The following TOPORS variants were observed in gnomAD, a reference collection of about 807,000 sequenced individuals.
TOPORS encodes TOP1 binding arginine/serine rich protein, E3 ubiquitin ligase.
In TOPORS, 25 loss-of-function variants were observed where a neutral mutation model predicts 81.4. The ratio of observed to expected loss-of-function variants is 0.31; its 90% CI spans 0.22 to 0.43. The LOEUF (loss-of-function observed/expected upper bound fraction) is 0.43. TOPORS is among the 20% of genes least tolerant of loss of function. The probability of loss-of-function intolerance (pLI) is 1.00; values close to 1 mark genes in which losing one functional copy is unlikely to be tolerated. For synonymous variants in TOPORS, 473 were observed against 456.6 expected (o/e 1.04, Z -0.46); for missense variants, 1,101 against 1,267.0 (o/e 0.87, Z 1.99).
At chr9:32,547,042 C>T (rs1587624312) in intron 2 of TOPORS, among the ~76,000 whole-genome samples, 2 of 26,010 alleles carry the variant, frequency 7.7e-5, no homozygotes, top group Admixed American at 5.4e-4. Flanking sequence ...TGTTTCAAAA[C>T]AAACAAACAA....
rs1563987142 is a variant in TOPORS at position 32,550,947 on chromosome 9, A to AC, written c.24dup (p.Ser9ValfsTer9). On this transcript the variant is annotated frameshift_variant, in exon 2 of 3. Coordinates refer to ENST00000360538, the MANE Select transcript of TOPORS (RefSeq NM_005802.5). LOFTEE classifies it high-confidence loss of function. The stretch of plus-strand genomic sequence containing the variant: ...TCACCCTCCTCGCGAGACAGCGGAG[A>AC]CCCCAGCGGCGGCTGCGACCCCTGT... The AC allele has an allele frequency of 1.2e-6, 2 of 1,611,934 alleles. No homozygotes were observed. The highest frequency in any genetic ancestry group is 8.5e-7 in the Non-Finnish European group (1 of 1,179,786).
At position 32,549,696 on chromosome 9, in the gene TOPORS, A is replaced by G. The variant is rs116580695; in HGVS notation, c.198+1078T>C. Among the ~76,000 whole-genome samples, 1,071 of 152,330 alleles carry G rather than the reference A, an allele frequency of 7.0e-3. 11 individuals are homozygous for G. The highest frequency in any genetic ancestry group is 0.024 in the African/African-American group (1,007 of 41,564). The stretch of plus-strand genomic sequence containing the variant: ...TTTATAACAACAAAATAATCATCAT[A>G]CTTAATATAATTATTATACTTAATA... On this transcript the variant is annotated intron_variant, in intron 2 of 2. Transcript: ENST00000360538.
In TOPORS at chr9:32,542,212, G is replaced by A. The variant is rs980498931; in HGVS notation, c.2313C>T (p.Ser771=). Residue 771 remains serine (S), a synonymous_variant, in exon 3 of 3, where the codon AGC becomes AGT. Coordinates refer to ENST00000360538, the MANE Select transcript of TOPORS (RefSeq NM_005802.5). ...CAGTCCTTGATCTGTTACTAGACAG[G>A]CTCCTTGATCTGTGCCTTTCATAGT... ...YYYYERHRSR[S]LSSNRSRTAS... is the part of the protein sequence containing the mutation. 2 of 1,614,020 alleles carry A rather than the reference G, an allele frequency of 1.2e-6. No individual in the cohort carries two copies. Among genetic ancestry groups the A allele is most frequent in the South Asian group, 1.1e-5 (1 of 91,080 alleles).
intron 2 of TOPORS, among the ~76,000 whole-genome samples, chr9:32,548,831 G>A (rs528600327): frequency 6.6e-6 from 1 of 152,030 alleles, no homozygotes; most frequent in Non-Finnish European, 1.5e-5. Flanking sequence ...GCTTTAACAA[G>A]GATAATAACA....
intron 1 of TOPORS, chr9:32,551,814 C>T (rs1821272562): frequency 2.2e-6 from 1 of 450,524 alleles, no homozygotes; most frequent in Admixed American, 2.4e-5. Context: ...GCGGGTAACG[C>T]GTCCCACGTA....
intron 1 of TOPORS, 119 bp from the exon 2 acceptor site, chr9:32,551,087 G>A: frequency 8.1e-7 from 1 of 1,241,874 alleles, no homozygotes; most frequent in East Asian, 2.5e-5. Context: ...ATGCGCAGCA[G>A]ATGGACGCCG....
Position 32,543,368 on chromosome 9 carries a change from T to C in TOPORS, c.1157A>G (p.His386Arg), listed in dbSNP as rs765214507. ...TATTGTTATGACTGAAGAATCAGAA[T>C]GGCTGCCTTCTTCGTATGAAGGAGC... ...CPAPSYEEGS[H>R]SDSSVITISP... Residue 386 changes from histidine (H) to arginine (R), a missense_variant, in exon 3 of 3, where the codon CAT (histidine) becomes CGT (arginine). Physicochemically the swap from His to Arg is conservative, Grantham distance 29. Around this residue, in one of 9 missense-constraint regions of TOPORS, gnomAD observed 103 missense variants for 112.1 expected, o/e 0.92. Transcript: ENST00000360538. The surrounding 1 kb of genome is among the most constrained non-coding windows in gnomAD (Gnocchi z 5.6). The C allele has an allele frequency of 6.2e-7, 1 of 1,614,098 alleles. No individual in the cohort carries two copies. Among genetic ancestry groups the C allele is most frequent in the Non-Finnish European group, 8.5e-7 (1 of 1,179,970 alleles).
At chr9:32,549,251 G>C (rs1821185414) in intron 2 of TOPORS, among the ~76,000 whole-genome samples, 1 of 152,150 alleles carries the variant, frequency 6.6e-6, no homozygotes, top group South Asian at 2.1e-4. Flanking sequence ...AGCTTGCAGT[G>C]AGCCGAGACT....
intron 1 of TOPORS, chr9:32,551,329 A>T (rs1336609970): frequency 4.9e-6 from 2 of 409,156 alleles, no homozygotes; most frequent in Non-Finnish European, 9.3e-6. Context: ...TAGTGTCTAG[A>T]TAGGGGAATT....
rs1292696867 is a variant in TOPORS, at chr9:32,542,414, T to C, written c.2111A>G (p.Tyr704Cys). The stretch of plus-strand genomic sequence containing the variant: ...GTCCTTGTTTCTACTGTAATAAGTA[T>C]ACTCCCATTTGTATCTGCTTCCATA... ...NNYGSRYKWE[Y>C]TYYSRNKDRD... Residue 704 changes from tyrosine to cysteine, a missense_variant, in exon 3 of 3, where the codon TAT becomes TGT. This residue lies in a region of TOPORS where 605 missense variants were observed against 636.1 expected (regional missense o/e 0.95). Coordinates refer to ENST00000360538, the MANE Select transcript of TOPORS (RefSeq NM_005802.5). 2 of 1,613,892 alleles carry C rather than the reference T, an allele frequency of 1.2e-6. No homozygotes were observed. The highest frequency in any genetic ancestry group is 1.1e-5 in the South Asian group (1 of 91,076).
At chr9:32,551,035 C>T (rs1821240469) in intron 1 of TOPORS, 67 bp from the exon 2 acceptor site, 10 of 1,554,536 alleles carry the variant, frequency 6.4e-6, no homozygotes, top group Non-Finnish European at 7.9e-6. Flanking sequence ...ACCCACCCCC[C>T]AGCTCCCGCG....
chr9:32,541,872 T>C lies in TOPORS; in HGVS notation c.2653A>G (p.Lys885Glu). Residue 885 changes from lysine (K) to glutamate (E), a missense_variant, in exon 3 of 3, where the codon AAA becomes GAA. Coordinates refer to ENST00000360538, the MANE Select transcript of TOPORS (RefSeq NM_005802.5). ...TGCTTCTTCTTATGTTTCTTCTTTT[T>C]CTTTTTATGGTGTTTAGTTGTATCA... The part of the protein sequence containing the change: ...ATDTTKHHKK[K>E]KKKHKKKHKK... 6.2e-7 allele frequency: 1 copy of C among 1,614,172 alleles called. No individual in the cohort carries two copies. Among genetic ancestry groups the C allele is most frequent in the South Asian group, 1.1e-5 (1 of 91,084 alleles).
chr9:32,541,616 G>A lies in TOPORS; in HGVS notation c.2909C>T (p.Thr970Ile). The A allele has an allele frequency of 1.9e-6, 3 of 1,614,192 alleles. No individual in the cohort carries two copies. Among genetic ancestry groups the A allele is most frequent in the Non-Finnish European group, 2.5e-6 (3 of 1,180,038 alleles). ...GVLDKECDIA[T>I]LSNNLNNANK... ...GGCATTATTCAAGTTGTTACTAAGTGTGGCAATATCACATTCCTTGTCCAG... is the reference window on the plus strand; with the variant it reads ...GGCATTATTCAAGTTGTTACTAAGTATGGCAATATCACATTCCTTGTCCAG... The change falls in exon 3 of 3, where the codon ACA becomes ATA. Residue 970 changes from threonine to isoleucine, a missense_variant. Transcript: ENST00000360538.
chr9:32,551,125 G>C, intron 1 of TOPORS, 157 bp from the exon 2 acceptor site: 1 of 912,060 alleles, frequency 1.1e-6, no homozygotes, highest in Admixed American at 2.1e-5. Flanking sequence ...CAGCGCACCG[G>C]CCCAAATGCG....
Position 32,541,194 on chromosome 9 carries a change from T to G in TOPORS, c.*193A>C. On this transcript the variant is annotated 3_prime_UTR_variant, in exon 3 of 3. Transcript: ENST00000360538. ...TTTTCTTCACTTAAAAGTGCATATCTTTGAGGGTGGGACATACATTTTGAA... is the reference window on the plus strand; with the variant it reads ...TTTTCTTCACTTAAAAGTGCATATCGTTGAGGGTGGGACATACATTTTGAA... The G allele has an allele frequency of 1.8e-6, 1 of 563,198 alleles. No individual in the cohort carries two copies. The highest frequency in any genetic ancestry group is 3.1e-6 in the Non-Finnish European group (1 of 323,352). 34.9% of individuals were successfully genotyped at this position (563,198 alleles called of 1,614,324 possible). A position where few individuals can be genotyped will look rare whatever the true frequency, so the allele number is the denominator to read the frequency against.
chr9:32,551,160 C>G (rs527654424), intron 1 of TOPORS, 192 bp from the exon 2 acceptor site: 20 of 683,728 alleles, frequency 2.9e-5, no homozygotes, highest in Non-Finnish European at 4.3e-5. Context: ...GCTCCAGACC[C>G]CGGAGGAGGG....
At position 32,542,384 on chromosome 9, in the gene TOPORS, T is replaced by A; in HGVS notation, c.2141A>T (p.Asp714Val). 1 of 1,614,060 alleles carries A rather than the reference T, an allele frequency of 6.2e-7. No individual in the cohort carries two copies. Among genetic ancestry groups the A allele is most frequent in the Non-Finnish European group, 8.5e-7 (1 of 1,180,014 alleles). Residue 714 changes from aspartate (D) to valine (V), a missense_variant, in exon 3 of 3, where the codon GAT (aspartate) becomes GTT (valine). Physicochemically the swap from Asp to Val is radical, Grantham distance 152. Transcript: ENST00000360538. Reference protein sequence around the residue: ...YTYYSRNKDRDGYESSYRRRT... With the variant: ...YTYYSRNKDRVGYESSYRRRT... ...CCTCCTGTAAGATGATTCGTACCCA[T>A]CCCTGTCCTTGTTTCTACTGTAATA...
intron 2 of TOPORS, among the ~76,000 whole-genome samples, chr9:32,548,082 C>A (rs779448402): frequency 9.6e-5 from 14 of 146,032 alleles, no homozygotes; most frequent in African/African-American, 3.1e-4. Context: ...GATCTCCTGA[C>A]CTTGAGATCC....
chr9:32,551,757 C>T (rs538781937), intron 1 of TOPORS: 261 of 447,712 alleles, frequency 5.8e-4, no homozygotes, highest in Non-Finnish European at 1.0e-3. Context: ...AGTTCAAGAA[C>T]ATCAGACACG....
Sources: gnomAD v4.1 joint callset for allele counts (sites outside exome capture counted in the v4.1 genomes callset) on GRCh38, gnomAD v4.1.1 for gene constraint, gnomAD v4.1.1 regional missense constraint, Gnocchi (gnomAD v3.1) non-coding constraint, MANE v1.5 for transcripts, NCBI Gene and HGNC (gene_info 2026-07-23, HGNC 2026-07-21) for gene names.